The following KDM4C variants were observed in gnomAD, a reference collection of about 807,000 sequenced individuals.
KDM4C encodes the protein lysine demethylase 4C, also known as lysine-specific demethylase 4C.
A neutral mutation model predicts 129.3 loss-of-function variants in KDM4C; 81 were observed. The observed-to-expected ratio is 0.63, with a 90% CI of 0.52 to 0.75. The LOEUF (loss-of-function observed/expected upper bound fraction) is 0.75, where lower values mean the gene tolerates loss of function less well. KDM4C is among the 30% of genes least tolerant of loss of function. The probability of loss-of-function intolerance (pLI) is 0.00; values close to 1 mark genes in which losing one functional copy is unlikely to be tolerated. For synonymous variants in KDM4C, 573 were observed against 456.1 expected (o/e 1.26, Z -3.26); for missense variants, 1,457 against 1,304.0 (o/e 1.12, Z -1.81).
At chr9:6,747,910 G>A (rs1304313923) in intron 1 of KDM4C, among the ~76,000 whole-genome samples, 1 of 152,192 alleles carries the variant, frequency 6.6e-6, no homozygotes, top group African/African-American at 2.4e-5. Context: ...GGGCGCTGTG[G>A]CTCACACCTG....
intron 1 of KDM4C, among the ~76,000 whole-genome samples, chr9:6,747,539 CAAAAAAAA>C (rs35996555): frequency 7.1e-5 from 7 of 98,036 alleles, no homozygotes; most frequent in South Asian, 3.3e-4. Flanking sequence ...CAGGGCGATT[CAAAAAAAA>C]AAAAAAAAAA....
chr9:6,942,177 C>T (rs1035458321), intron 8 of KDM4C, among the ~76,000 whole-genome samples: 1 of 151,938 alleles, frequency 6.6e-6, no homozygotes, highest in African/African-American at 2.4e-5. Context: ...AAACTGGTTT[C>T]TTGTAATTTA....
intron 5 of KDM4C, among the ~76,000 whole-genome samples, chr9:6,857,480 C>T (rs1250905262): frequency 6.6e-6 from 1 of 152,164 alleles, no homozygotes; most frequent in Non-Finnish European, 1.5e-5. Flanking sequence ...CACACACCCA[C>T]TTGCTTGCAG....
chr9:7,093,348 G>T (rs1184577730), intron 17 of KDM4C, among the ~76,000 whole-genome samples: 3 of 152,088 alleles, frequency 2.0e-5, no homozygotes, highest in Non-Finnish European at 2.9e-5. Flanking sequence ...CAGGGTTTAT[G>T]CTCCATCTTT....
At chr9:6,879,105 TAA>T (rs1364987125) in intron 5 of KDM4C, among the ~76,000 whole-genome samples, 1 of 152,232 alleles carries the variant, frequency 6.6e-6, no homozygotes, top group African/African-American at 2.4e-5. Context: ...TAAAATTAGT[TAA>T]GTTACTTTAG....
intron 5 of KDM4C, among the ~76,000 whole-genome samples, chr9:6,857,391 A>G (rs890484966): frequency 3.9e-5 from 6 of 152,268 alleles, no homozygotes; most frequent in African/African-American, 1.4e-4. Context: ...GCTGCTAGCT[A>G]TATTTGTAAG....
intron 5 of KDM4C, among the ~76,000 whole-genome samples, chr9:6,858,341 C>T (rs895661292): frequency 3.9e-5 from 5 of 127,674 alleles, no homozygotes; most frequent in African/African-American, 2.1e-4. Flanking sequence ...CTTTTAGTTA[C>T]ACCACCACCA....
chr9:6,915,339 G>T lies in KDM4C; in HGVS notation c.921+22107G>T, dbSNP rs112372966. On this transcript the variant is annotated intron_variant, in intron 8 of 21. Coordinates refer to ENST00000381309, the MANE Select transcript of KDM4C (RefSeq NM_015061.6). ...TGTGAGGGGTTTAGGGGGTTGCATA[G>T]TAAAGCATTAGGTAACAAAAGAAAA... Among the ~76,000 whole-genome samples, 894 of 152,274 alleles carry T rather than the reference G, an allele frequency of 5.9e-3. 12 individuals are homozygous for T. The highest frequency in any genetic ancestry group is 0.02 in the African/African-American group (846 of 41,544).
At chr9:6,915,946 A>G (rs1293945074) in intron 8 of KDM4C, among the ~76,000 whole-genome samples, 1 of 152,230 alleles carries the variant, frequency 6.6e-6, no homozygotes, top group African/African-American at 2.4e-5. Context: ...TCACTGACAG[A>G]TGCTGTAAAA....
intron 13 of KDM4C, among the ~76,000 whole-genome samples, chr9:7,013,350 T>C (rs1823043739): frequency 6.6e-6 from 1 of 152,234 alleles, no homozygotes; most frequent in South Asian, 2.1e-4. Flanking sequence ...CTGCAAGTGA[T>C]GAGGCAAAAA....
chr9:6,957,605 G>A (rs1314290243), intron 8 of KDM4C, among the ~76,000 whole-genome samples: 5 of 152,256 alleles, frequency 3.3e-5, no homozygotes, highest in African/African-American at 1.2e-4. Context: ...GATCAAACGT[G>A]GAGGCTGCTG....
intron 8 of KDM4C, among the ~76,000 whole-genome samples, chr9:6,903,833 G>T (rs1320638078): frequency 6.6e-6 from 1 of 152,116 alleles, no homozygotes; most frequent in Non-Finnish European, 1.5e-5. Context: ...ACAGTTCATT[G>T]TATATCTCTT....
intron 11 of KDM4C, among the ~76,000 whole-genome samples, chr9:6,988,704 C>CCATCCATT (rs1563940665): frequency 4.7e-5 from 7 of 150,456 alleles, no homozygotes; most frequent in African/African-American, 1.7e-4. Flanking sequence ...ATCCATCCAT[C>CCATCCATT]CATTCATCTT....
chr9:6,854,538 AAAAAAAAC>A (rs1404883373), intron 5 of KDM4C, among the ~76,000 whole-genome samples: 9 of 146,092 alleles, frequency 6.2e-5, no homozygotes, highest in South Asian at 2.1e-4. Flanking sequence ...AAAAAAAAAA[AAAAAAAAC>A]AAAAAAAAAA....
intron 8 of KDM4C, among the ~76,000 whole-genome samples, chr9:6,924,519 C>G (rs1445922033): frequency 6.6e-6 from 1 of 152,208 alleles, no homozygotes; most frequent in Non-Finnish European, 1.5e-5. Flanking sequence ...ACACTCTTCT[C>G]TAGTCCTTTT....
At chr9:6,817,676 T>G (rs1588477000) in intron 4 of KDM4C, among the ~76,000 whole-genome samples, 1 of 151,936 alleles carries the variant, frequency 6.6e-6, no homozygotes, top group South Asian at 2.1e-4. Flanking sequence ...TAAAGTAGTA[T>G]ATGTACATGT....
intron 4 of KDM4C, among the ~76,000 whole-genome samples, chr9:6,820,792 A>G (rs541605934): frequency 2.3e-4 from 35 of 149,368 alleles, no homozygotes; most frequent in African/African-American, 8.7e-4. Flanking sequence ...ACATAGGTAT[A>G]CATGTGCCAT....
chr9:6,986,758 G>C, intron 11 of KDM4C, 92 bp downstream of exon 11: 2 of 864,180 alleles, frequency 2.3e-6, no homozygotes, highest in Non-Finnish European at 3.5e-6. Flanking sequence ...CCTCCTTTAG[G>C]GCACAGATAA....
intron 4 of KDM4C, chr9:6,835,514 T>A (rs1360760470): frequency 6.6e-7 from 1 of 1,511,688 alleles, no homozygotes; most frequent in African/African-American, 1.4e-5. Context: ...TTCCAGCAGA[T>A]GTGGATCAGC....
Sources: gnomAD v4.1 joint callset for allele counts (sites outside exome capture counted in the v4.1 genomes callset) on GRCh38, gnomAD v4.1.1 for gene constraint, MANE v1.5 for transcripts, NCBI Gene and HGNC (gene_info 2026-07-23, HGNC 2026-07-21) for gene names.